WNT8A: variants seen among roughly 807,000 people sequenced by gnomAD.
WNT8A encodes the protein Wnt family member 8A.
Under a neutral mutation model 20.5 loss-of-function variants are expected in WNT8A, and 14 were observed. That is an observed-to-expected ratio of 0.68 (90% confidence interval 0.45 to 1.07). The LOEUF (loss-of-function observed/expected upper bound fraction) is 1.07. WNT8A is among the 50% of genes least tolerant of loss of function. The pLI is 0.00. For missense variants in WNT8A, 397 were observed against 462.9 expected, an observed-to-expected ratio of 0.86 and a Z score of 1.31; for synonymous variants, 167 against 169.2, an observed-to-expected ratio of 0.99 and a Z score of 0.10.
upstream of WNT8A, among the ~76,000 whole-genome samples, chr5:138,080,456 T>TTTTTTTTG (rs1581351411): frequency 2.8e-5 from 4 of 142,382 alleles, no homozygotes; most frequent in South Asian, 2.3e-4. Flanking sequence ...TTTTTTTTTT[T>TTTTTTTTG]TTTTTTTTTT....
chr5:138,085,830 G>A (rs956168094), intron 2 of WNT8A, among the ~76,000 whole-genome samples: 7 of 147,626 alleles, frequency 4.7e-5, no homozygotes, highest in Non-Finnish European at 8.9e-5. Context: ...CTCCTGCCTG[G>A]GTGACAGAGC....
Position 138,091,407 on chromosome 5 carries a change from G to C in WNT8A, c.*334G>C, listed in dbSNP as rs376744263. ...ATCTAGAGGGACCTTCAAAGTATTTGTTCCTTTAAATTTCAGACCATGTCC... is the reference window on the plus strand; with the variant it reads ...ATCTAGAGGGACCTTCAAAGTATTTCTTCCTTTAAATTTCAGACCATGTCC... On this transcript the variant is annotated 3_prime_UTR_variant, in exon 5 of 5. Transcript: ENST00000506684. 2.9e-6 allele frequency: 4 copies of C among 1,372,312 alleles called. No homozygotes were observed. The highest frequency in any genetic ancestry group is 1.5e-5 in the African/African-American group (1 of 68,584). The allele number at this position is 1,372,312 out of a possible 1,614,324, so 85.0% of individuals were successfully genotyped here. A position where few individuals can be genotyped will look rare whatever the true frequency, so the allele number is the denominator to read the frequency against.
chr5:138,078,489 T>C, the WNT8A span, among the ~76,000 whole-genome samples: 4 of 152,188 alleles, frequency 2.6e-5, no homozygotes, highest in African/African-American at 9.7e-5. Flanking sequence ...AAAGAAATGC[T>C]GAGGATCGAA....
At chr5:138,084,934 CTT>C (rs1160365275) in intron 2 of WNT8A, among the ~76,000 whole-genome samples, 1 of 146,288 alleles carries the variant, frequency 6.8e-6, no homozygotes, top group Non-Finnish European at 1.5e-5. Flanking sequence ...GGAAATTACT[CTT>C]TTTTTTTTTT....
At chr5:138,087,674 A>AAG (rs59398956) in intron 2 of WNT8A, 132 bp from the exon 3 acceptor site, 1 of 706,338 alleles carries the variant, frequency 1.4e-6, no homozygotes, top group African/African-American at 1.9e-5. Flanking sequence ...AAAAAAAAAA[A>AAG]GAAAGAAAAG....
chr5:138,089,141 C>T (rs1750768298), intron 4 of WNT8A, 72 bp downstream of exon 4: 1 of 1,549,352 alleles, frequency 6.5e-7, no homozygotes, highest in South Asian at 1.2e-5. Context: ...TTACCAAGAG[C>T]TGTCTTATAC....
At chr5:138,088,509 A>G (rs1423137354) in intron 3 of WNT8A, among the ~76,000 whole-genome samples, 1 of 152,010 alleles carries the variant, frequency 6.6e-6, no homozygotes, top group South Asian at 2.1e-4. Flanking sequence ...GGTGCCCGCC[A>G]CCACACTCGG....
At chr5:138,088,811 T>G in intron 3 of WNT8A, 116 bp from the exon 4 acceptor site, 2 of 1,413,528 alleles carry the variant, frequency 1.4e-6, no homozygotes, top group Non-Finnish European at 1.9e-6. Context: ...CACCTCCATT[T>G]CCCTGTCTCA....
chr5:138,084,439 C>A (rs1750592990), intron 1 of WNT8A, 59 bp from the exon 2 acceptor site: 2 of 1,554,622 alleles, frequency 1.3e-6, no homozygotes, highest in Non-Finnish European at 1.7e-6. Flanking sequence ...CCTGCCTGCT[C>A]CCCCAACCAC....
the WNT8A span, among the ~76,000 whole-genome samples, chr5:138,078,719 TTCTC>T: frequency 6.6e-6 from 1 of 152,120 alleles, no homozygotes; most frequent in Non-Finnish European, 1.5e-5. Context: ...CCTCAATAAG[TTCTC>T]TCTCTATGGG....
chr5:138,088,847 G>C (rs543237177), intron 3 of WNT8A, 80 bp from the exon 4 acceptor site: 1 of 1,552,668 alleles, frequency 6.4e-7, no homozygotes, highest in East Asian at 2.3e-5. Context: ...TTACACTCTA[G>C]GGCTCTTGGG....
chr5:138,079,219 T>C (rs567131320), upstream of WNT8A, among the ~76,000 whole-genome samples: 1 of 151,830 alleles, frequency 6.6e-6, no homozygotes, highest in South Asian at 2.1e-4. Context: ...TGAGAGCGAC[T>C]GTTGCATTTT....
upstream of WNT8A, among the ~76,000 whole-genome samples, chr5:138,083,497 C>T (rs1265808975): frequency 6.6e-6 from 1 of 152,176 alleles, no homozygotes; most frequent in African/African-American, 2.4e-5. Context: ...AGTGTTCCTG[C>T]TCCATAGTCC....
Position 138,091,140 on chromosome 5 carries a change from G to A in WNT8A, c.*67G>A. 1 of 1,559,924 alleles carries A rather than the reference G, an allele frequency of 6.4e-7. No homozygotes were observed. Among genetic ancestry groups the A allele is most frequent in the Non-Finnish European group, 8.6e-7 (1 of 1,159,168 alleles). ...AAGGGGACATAGCTTCTCTCTTAGAGAGAACAGATTGGAAAGCAATCGGAA... is the reference window on the plus strand; with the variant it reads ...AAGGGGACATAGCTTCTCTCTTAGAAAGAACAGATTGGAAAGCAATCGGAA... On this transcript the variant is annotated 3_prime_UTR_variant, in exon 5 of 5. Transcript: ENST00000506684.
intron 2 of WNT8A, among the ~76,000 whole-genome samples, chr5:138,085,480 G>A: frequency 6.6e-6 from 1 of 152,098 alleles, no homozygotes; most frequent in African/African-American, 2.4e-5. Context: ...TTGTAACTGT[G>A]TGCCGTAGTT....
At chr5:138,087,674 A>AAT in intron 2 of WNT8A, 132 bp from the exon 3 acceptor site, 4 of 706,604 alleles carry the variant, frequency 5.7e-6, no homozygotes, top group Non-Finnish European at 8.2e-6. Flanking sequence ...AAAAAAAAAA[A>AAT]GAAAGAAAAG....
Position 138,089,088 on chromosome 5 carries a change from G to A in WNT8A, c.564+19G>A. The A allele has an allele frequency of 6.2e-7, 1 of 1,609,454 alleles. No individual in the cohort carries two copies. The highest frequency in any genetic ancestry group is 8.5e-7 in the Non-Finnish European group (1 of 1,177,984). The stretch of plus-strand genomic sequence containing the variant: ...CAGACTGGTGGGTATAGGCATTGTG[G>A]CCAGTATTTCTACAGCTTCACATCT... On this transcript the variant is annotated intron_variant, in intron 4 of 4. Transcript: ENST00000506684.
Position 138,091,392 on chromosome 5 carries a change from A to T in WNT8A, c.*319A>T, listed in dbSNP as rs1385441032. 1 of 1,386,262 alleles carries T rather than the reference A, an allele frequency of 7.2e-7. No individual in the cohort carries two copies. Among genetic ancestry groups the T allele is most frequent in the East Asian group, 4.1e-5 (1 of 24,252 alleles). 85.9% of individuals were successfully genotyped at this position (1,386,262 alleles called of 1,614,324 possible). On this transcript the variant is annotated 3_prime_UTR_variant, in exon 5 of 5. Transcript: ENST00000506684. ...TGGTTTGGGGTCTATATCTAGAGGG[A>T]CCTTCAAAGTATTTGTTCCTTTAAA...
At chr5:138,078,981 A>C in the WNT8A span, among the ~76,000 whole-genome samples, 7 of 152,122 alleles carry the variant, frequency 4.6e-5, no homozygotes, top group Non-Finnish European at 8.8e-5. Flanking sequence ...TATTCATCGT[A>C]TCTATTTACG....
Sources: gnomAD v4.1 joint callset for allele counts (sites outside exome capture counted in the v4.1 genomes callset) on GRCh38, gnomAD v4.1.1 for gene constraint, MANE v1.5 for transcripts, NCBI Gene and HGNC (gene_info 2026-07-23, HGNC 2026-07-21) for gene names.